The following RBFOX1 variants were observed in gnomAD, a reference collection of about 807,000 sequenced individuals.
The protein encoded by RBFOX1 is RNA binding fox-1 homolog 1.
In RBFOX1, 8 loss-of-function variants were observed where a neutral mutation model predicts 57.7. That is an observed-to-expected ratio of 0.14 (90% CI 0.08 to 0.25). The LOEUF (loss-of-function observed/expected upper bound fraction) is 0.25, where lower values mean the gene tolerates loss of function less well. RBFOX1 is among the 10% of genes least tolerant of loss of function. RBFOX1 has a pLI of 1.00. For missense variants in RBFOX1, 611 were observed against 548.5 expected (o/e 1.11, Z -1.14); for synonymous variants, 326 against 222.4 (o/e 1.47, Z -4.15).
chr16:7,427,355 A>G (rs993811803), intron 4 of RBFOX1, among the ~76,000 whole-genome samples: 1 of 152,196 alleles, frequency 6.6e-6, no homozygotes, highest in Non-Finnish European at 1.5e-5. Context: ...CAAATTTCCA[A>G]GAGATGCTGA....
chr16:6,627,329 G>A (rs1280399621), intron 2 of RBFOX1, among the ~76,000 whole-genome samples: 1 of 152,164 alleles, frequency 6.6e-6, no homozygotes, highest in African/African-American at 2.4e-5. Context: ...ACCTACTCTA[G>A]GTGAGCTTAG....
At chr16:7,656,446 G>A (rs1390928422) in intron 12 of RBFOX1, among the ~76,000 whole-genome samples, 2 of 151,734 alleles carry the variant, frequency 1.3e-5, no homozygotes, top group African/African-American at 2.4e-5. Flanking sequence ...CTGGCTGGAA[G>A]AGCAAGAACC....
chr16:6,044,590 G>T (rs1466958027), intron 1 of RBFOX1, among the ~76,000 whole-genome samples: 1 of 152,178 alleles, frequency 6.6e-6, no homozygotes, highest in Non-Finnish European at 1.5e-5. Context: ...AACAGCATCT[G>T]CCTTTGATTA....
intron 1 of RBFOX1, among the ~76,000 whole-genome samples, chr16:6,202,517 T>C (rs148950805): frequency 3.3e-3 from 499 of 152,272 alleles, no homozygotes; most frequent in Non-Finnish European, 5.9e-3. Flanking sequence ...AGATAACTCA[T>C]GCACCTCTAG....
intron 3 of RBFOX1, among the ~76,000 whole-genome samples, chr16:5,822,531 A>G (rs1299225655): frequency 2.0e-5 from 3 of 152,252 alleles, no homozygotes; most frequent in Non-Finnish European, 1.5e-5. Context: ...GATCTACTCT[A>G]TAGCATAGAT....
At chr16:6,900,226 A>G (rs542460160) in intron 3 of RBFOX1, among the ~76,000 whole-genome samples, 8 of 152,140 alleles carry the variant, frequency 5.3e-5, no homozygotes, top group East Asian at 1.9e-4. Flanking sequence ...TTCACTTGCT[A>G]TTTAAGCACG....
At chr16:5,539,737 G>T (rs1012751070) in intron 2 of RBFOX1, among the ~76,000 whole-genome samples, 2 of 152,154 alleles carry the variant, frequency 1.3e-5, no homozygotes, top group African/African-American at 4.8e-5. Context: ...ACACCATTGT[G>T]TTCTCATGTT....
intron 1 of RBFOX1, among the ~76,000 whole-genome samples, chr16:6,286,889 A>T (rs976211851): frequency 6.6e-6 from 1 of 152,132 alleles, no homozygotes; most frequent in African/African-American, 2.4e-5. Flanking sequence ...AAGAACAAGG[A>T]TTACATTTTT....
At chr16:5,319,502 C>G (rs2064340714) in intron 1 of RBFOX1, among the ~76,000 whole-genome samples, 1 of 152,168 alleles carries the variant, frequency 6.6e-6, no homozygotes, top group Non-Finnish European at 1.5e-5. Context: ...CTGGGAGTCT[C>G]AGGAGCCATC....
intron 2 of RBFOX1, among the ~76,000 whole-genome samples, chr16:6,540,162 C>G (rs1002608902): frequency 6.6e-6 from 1 of 152,018 alleles, no homozygotes; most frequent in Admixed American, 6.6e-5. Flanking sequence ...CTTGGGGAAT[C>G]CTATTTGTGA....
At chr16:6,414,017 T>C (rs2093550842) in intron 2 of RBFOX1, among the ~76,000 whole-genome samples, 1 of 152,056 alleles carries the variant, frequency 6.6e-6, no homozygotes. Flanking sequence ...ATTCCAACCA[T>C]AGGGATCGTT....
intron 3 of RBFOX1, among the ~76,000 whole-genome samples, chr16:7,009,900 A>G (rs1423590746): frequency 6.6e-6 from 1 of 152,204 alleles, no homozygotes; most frequent in East Asian, 1.9e-4. Flanking sequence ...TTAGCTGTGA[A>G]CAAGTTTAAT....
intron 4 of RBFOX1, among the ~76,000 whole-genome samples, chr16:7,188,187 C>G (rs564044035): frequency 7.9e-5 from 12 of 152,130 alleles, no homozygotes; most frequent in Admixed American, 7.2e-4. Context: ...GGTATAAATA[C>G]GATGGAATGA....
In RBFOX1 at chr16:7,147,417, C is replaced by T. The variant is rs78615347; in HGVS notation, c.27+95319C>T. On this transcript the variant is annotated intron_variant, in intron 4 of 15. Coordinates refer to ENST00000550418, the MANE Select transcript of RBFOX1 (RefSeq NM_018723.4). ...GTTTGGTAGACAAATGATCCTGTCA[C>T]CCAGGTGGTGGGCGTAGTACTTGGT... 2.2e-3 allele frequency among the ~76,000 whole-genome samples: 330 copies of T among 151,976 alleles called. 1 individual carries two copies. The highest frequency in any genetic ancestry group is 5.5e-3 in the African/African-American group (226 of 41,466).
intron 4 of RBFOX1, among the ~76,000 whole-genome samples, chr16:7,362,181 G>A (rs2097337634): frequency 1.3e-5 from 2 of 151,254 alleles, no homozygotes; most frequent in Admixed American, 1.3e-4. Flanking sequence ...TTGCTAGTGT[G>A]TGTGTGTGTT....
chr16:6,854,740 G>T (rs1450010122), intron 3 of RBFOX1, among the ~76,000 whole-genome samples: 1 of 151,524 alleles, frequency 6.6e-6, no homozygotes, highest in African/African-American at 2.4e-5. Flanking sequence ...AACTACAGGC[G>T]CCTGCCATTG....
intron 4 of RBFOX1, among the ~76,000 whole-genome samples, chr16:7,194,549 A>G (rs1358520240): frequency 6.6e-6 from 1 of 152,178 alleles, no homozygotes; most frequent in Non-Finnish European, 1.5e-5. Context: ...ACTCATTACT[A>G]AAACTCAATG....
At chr16:7,241,003 A>C (rs56224056) in intron 4 of RBFOX1, among the ~76,000 whole-genome samples, 2 of 152,158 alleles carry the variant, frequency 1.3e-5, no homozygotes, top group South Asian at 4.1e-4. Context: ...CTCTTAATAT[A>C]CAACAATATC....
chr16:6,426,068 C>G (rs993960442), intron 2 of RBFOX1, among the ~76,000 whole-genome samples: 1 of 148,642 alleles, frequency 6.7e-6, no homozygotes, highest in Non-Finnish European at 1.5e-5. Context: ...TTCTCTGTCT[C>G]TCTGTCTCAT....
Sources: gnomAD v4.1 joint callset for allele counts (sites outside exome capture counted in the v4.1 genomes callset) on GRCh38, gnomAD v4.1.1 for gene constraint, MANE v1.5 for transcripts, NCBI Gene and HGNC (gene_info 2026-07-23, HGNC 2026-07-21) for gene names.